Variants in DEFB131A observed in about 807,000 individuals in gnomAD.
DEFB131A encodes defensin beta 131A.
DEFB131A carries 5 observed loss-of-function variants against 2.4 expected under a neutral mutation model. That is an observed-to-expected ratio of 2.12 (90% CI 1.11 to 4.47). The LOEUF (loss-of-function observed/expected upper bound fraction) is 4.47, where lower values mean the gene tolerates loss of function less well. Ranked by LOEUF, DEFB131A falls within the 30% of genes most tolerant of loss-of-function variation. The pLI is 0.00. For missense variants in DEFB131A, 120 were observed against 79.9 expected (o/e 1.50, Z -1.91); for synonymous variants, 34 against 25.7 (o/e 1.32, Z -0.97).
intron 1 of DEFB131A, among the ~76,000 whole-genome samples, chr4:9,446,563 T>C (rs1717509812): frequency 6.6e-6 from 1 of 152,080 alleles, no homozygotes; most frequent in African/African-American, 2.4e-5. Context: ...CATTAATTCT[T>C]TGCATTTTTT....
chr4:9,448,521 G>T (rs6850176), intron 1 of DEFB131A, among the ~76,000 whole-genome samples: 3,371 of 151,986 alleles, frequency 0.022, 63 homozygotes, highest in African/African-American at 0.075. Context: ...ACTGGATTCC[G>T]CTAGGTTAGC....
At chr4:9,449,908 C>G (rs1362341863) in intron 1 of DEFB131A, among the ~76,000 whole-genome samples, 1 of 152,124 alleles carries the variant, frequency 6.6e-6, no homozygotes, top group Admixed American at 6.6e-5. Context: ...TTTCCCACCA[C>G]CATATCTCTT....
intron 1 of DEFB131A, among the ~76,000 whole-genome samples, chr4:9,446,514 A>G (rs186071010): frequency 1.1e-3 from 160 of 152,150 alleles, no homozygotes; most frequent in African/African-American, 3.7e-3. Flanking sequence ...AGCAGTTTAT[A>G]AAGTCTGTTT....
chr4:9,448,187 TAAA>T (rs1717553671), intron 1 of DEFB131A, among the ~76,000 whole-genome samples: 3 of 148,676 alleles, frequency 2.0e-5, no homozygotes, highest in African/African-American at 7.4e-5. Flanking sequence ...AAAAAAATCT[TAAA>T]AGAAGCCAGG....
intron 1 of DEFB131A, 140 bp from the exon 2 acceptor site, chr4:9,450,220 T>C: frequency 9.8e-7 from 1 of 1,018,654 alleles, no homozygotes; most frequent in East Asian, 3.1e-5. Context: ...TCTCCACGTT[T>C]TCTCTTGCAT....
At chr4:9,448,735 C>A (rs1403324100) in intron 1 of DEFB131A, among the ~76,000 whole-genome samples, 3 of 152,154 alleles carry the variant, frequency 2.0e-5, no homozygotes, top group African/African-American at 7.2e-5. Context: ...TTCGCTCATA[C>A]TCAATGGTGA....
At position 9,444,686 on chromosome 4, in the gene DEFB131A, C is replaced by T. The variant is rs28538435; in HGVS notation, c.58+95C>T. The T allele has an allele frequency of 5.8e-3, 7,322 of 1,271,220 alleles. No homozygotes were observed. In the African/African-American group the frequency reaches 0.092, roughly 16 times the overall value. The allele number at this position is 1,271,220 out of a possible 1,614,324, so 78.7% of individuals were successfully genotyped here. ...AGTCTGAAAATAAAATAGGCATGGG[C>T]AGATTTTACTGTACCATGAAGGCTG... On this transcript the variant is annotated intron_variant, in intron 1 of 1. Coordinates refer to ENST00000334879, the MANE Select transcript of DEFB131A (RefSeq NM_001040448.3).
chr4:9,447,714 C>T (rs1431544764), intron 1 of DEFB131A, among the ~76,000 whole-genome samples: 6 of 143,016 alleles, frequency 4.2e-5, no homozygotes, highest in Admixed American at 6.9e-5. Context: ...TTTATCAGTC[C>T]TTAAAAAAAA....
chr4:9,450,438 C>G lies in DEFB131A; in HGVS notation c.137C>G (p.Ala46Gly). The change falls in exon 2 of 2, where the codon GCA (alanine) becomes GGA (glycine). Residue 46 changes from alanine to glycine, a missense_variant. Physicochemically the swap from Ala to Gly is moderately conservative, Grantham distance 60 (BLOSUM62 0). Transcript: ENST00000334879. ...CRLKCNADEH[A>G]IRYCADFSIC... is the part of the protein sequence containing the mutation. ...CTGAAGTGCAATGCTGATGAACATG[C>G]AATTAGATACTGTGCTGACTTCAGC... The G allele has an allele frequency of 1.2e-6, 2 of 1,609,948 alleles. No homozygotes were observed. The highest frequency in any genetic ancestry group is 1.7e-5 in the Admixed American group (1 of 59,896).
chr4:9,449,888 G>C (rs1717610533), intron 1 of DEFB131A, among the ~76,000 whole-genome samples: 1 of 152,070 alleles, frequency 6.6e-6, no homozygotes. Flanking sequence ...ACCAAAGACA[G>C]CTTTTCCACT....
chr4:9,445,874 T>A (rs563803592), intron 1 of DEFB131A, among the ~76,000 whole-genome samples: 1 of 152,294 alleles, frequency 6.6e-6, no homozygotes, highest in Non-Finnish European at 1.5e-5. Context: ...TTTGTCTCTA[T>A]GTATATTCCT....
At chr4:9,448,561 T>C (rs1029602824) in intron 1 of DEFB131A, among the ~76,000 whole-genome samples, 1 of 152,124 alleles carries the variant, frequency 6.6e-6, no homozygotes, top group Admixed American at 6.6e-5. Flanking sequence ...TGACCTCAGG[T>C]GATCCGCCCG....
chr4:9,446,333 G>A (rs867194057), intron 1 of DEFB131A, among the ~76,000 whole-genome samples: 4 of 151,820 alleles, frequency 2.6e-5, no homozygotes, highest in Admixed American at 2.0e-4. Context: ...AAGTTAGATT[G>A]ATTATTGGTG....
chr4:9,448,904 C>A (rs548762077), intron 1 of DEFB131A, among the ~76,000 whole-genome samples: 3 of 152,204 alleles, frequency 2.0e-5, no homozygotes, highest in East Asian at 3.9e-4. Flanking sequence ...TGAGTAAAAT[C>A]ATCTATTTCC....
intron 1 of DEFB131A, among the ~76,000 whole-genome samples, chr4:9,448,397 G>T (rs1373437340): frequency 6.6e-6 from 1 of 152,044 alleles, no homozygotes; most frequent in Non-Finnish European, 1.5e-5. Flanking sequence ...CACCCAGGCT[G>T]GAGTGCAGTG....
chr4:9,446,322 A>G (rs2108837119), intron 1 of DEFB131A, among the ~76,000 whole-genome samples: 2 of 151,904 alleles, frequency 1.3e-5, no homozygotes, highest in African/African-American at 4.8e-5. Context: ...TGAATTTGGG[A>G]AAGTTAGATT....
In DEFB131A at chr4:9,450,616, C is replaced by T; in HGVS notation, c.*102C>T. 1 of 1,436,720 alleles carries T rather than the reference C, an allele frequency of 7.0e-7. No individual in the cohort carries two copies. Among genetic ancestry groups the T allele is most frequent in the Middle Eastern group, 2.5e-4 (1 of 4,022 alleles). The allele number at this position is 1,436,720 out of a possible 1,614,324, so 89.0% of individuals were successfully genotyped here. ...TGATAGATGAAAATTATTATAATTGCATGTTTAGATGGTCAGGTGAAAATG... is the reference window on the plus strand; with the variant it reads ...TGATAGATGAAAATTATTATAATTGTATGTTTAGATGGTCAGGTGAAAATG... On this transcript the variant is annotated 3_prime_UTR_variant, in exon 2 of 2. Transcript: ENST00000334879.
chr4:9,450,219 T>A (rs1292474409), intron 1 of DEFB131A, 141 bp from the exon 2 acceptor site: 16 of 1,013,910 alleles, frequency 1.6e-5, no homozygotes, highest in Admixed American at 3.9e-5. Flanking sequence ...ATCTCCACGT[T>A]TTCTCTTGCA....
chr4:9,447,409 G>T (rs1175469121), intron 1 of DEFB131A, among the ~76,000 whole-genome samples: 1 of 152,048 alleles, frequency 6.6e-6, no homozygotes, highest in African/African-American at 2.4e-5. Context: ...AAATATAGAT[G>T]TATTAGGCCA....
Sources: allele counts gnomAD v4.1 joint callset (sites outside exome capture counted in the v4.1 genomes callset), GRCh38; gene constraint gnomAD v4.1.1; transcripts MANE v1.5; gene names NCBI Gene and HGNC (gene_info 2026-07-23, HGNC 2026-07-21).